The following APCDD1L variants were observed in gnomAD, a reference collection of about 807,000 sequenced individuals.
The protein encoded by APCDD1L is protein APCDD1-like.
A neutral mutation model predicts 24.2 loss-of-function variants in APCDD1L; 21 were observed. The observed-to-expected ratio is 0.87, with a 90% CI of 0.61 to 1.25. The LOEUF is 1.25. APCDD1L is among the 50% of genes most tolerant of loss of function. The pLI, the probability that APCDD1L is intolerant of heterozygous loss-of-function variation, is 0.00. For missense variants in APCDD1L, 704 were observed against 711.7 expected (o/e 0.99, Z 0.12); for synonymous variants, 321 against 323.6 (o/e 0.99, Z 0.09).
At chr20:58,472,319 G>A (rs533076203) in intron 1 of APCDD1L, among the ~76,000 whole-genome samples, 1 of 152,336 alleles carries the variant, frequency 6.6e-6, no homozygotes, top group East Asian at 1.9e-4. Flanking sequence ...TAACCCTGGA[G>A]TCGGTGTTAG....
At chr20:58,491,281 G>T (rs1159685197) in intron 1 of APCDD1L, among the ~76,000 whole-genome samples, 1 of 152,072 alleles carries the variant, frequency 6.6e-6, no homozygotes, top group Non-Finnish European at 1.5e-5. Context: ...ACAAGAAAAA[G>T]AAATAAAAGG....
chr20:58,500,935 C>G (rs1399127956), intron 1 of APCDD1L, among the ~76,000 whole-genome samples: 1 of 152,184 alleles, frequency 6.6e-6, no homozygotes, highest in African/African-American at 2.4e-5. Flanking sequence ...TTGGGTGAAG[C>G]CATCAATCCT....
chr20:58,470,776 C>T (rs1331710179), intron 1 of APCDD1L, 29 bp from the exon 2 acceptor site: 32 of 1,511,144 alleles, frequency 2.1e-5, no homozygotes, highest in Non-Finnish European at 2.7e-5. Context: ...TGGGTAAGAC[C>T]CCAGCATGCC....
intron 1 of APCDD1L, among the ~76,000 whole-genome samples, chr20:58,482,787 C>T (rs981121480): frequency 1.3e-5 from 2 of 152,180 alleles, no homozygotes; most frequent in Admixed American, 6.5e-5. Context: ...CTGACAGTAT[C>T]TTGCTTCTGT....
chr20:58,512,184 G>A (rs965336349), intron 1 of APCDD1L, among the ~76,000 whole-genome samples: 3 of 152,206 alleles, frequency 2.0e-5, no homozygotes, highest in East Asian at 1.9e-4. Flanking sequence ...AAAAATCAAC[G>A]TCCAAATTAG....
Position 58,461,226 on chromosome 20 carries a change from C to G in APCDD1L, c.1070G>C (p.Arg357Pro). The change falls in exon 4 of 4, where the codon CGG (arginine) becomes CCG (proline). Residue 357 changes from arginine (R) to proline (P), a missense_variant. By Grantham distance (103) the Arg-to-Pro change is moderately radical (BLOSUM62 -2). Transcript: ENST00000371149. This position sits in a 1 kb window ranked among gnomAD's most constrained non-coding sequence, Gnocchi z 6.0. ...GGTELVFEVT[R>P]AHVTPMDQVT... ...CTGGTCCATGGGGGTCACATGGGCC[C>G]GTGTGACCTCAAACACCAGCTCGGT... The G allele has an allele frequency of 2.0e-5, 32 of 1,613,504 alleles. No homozygotes were observed. Among genetic ancestry groups the G allele is most frequent in the Non-Finnish European group, 2.7e-5 (32 of 1,179,870 alleles).
chr20:58,493,174 A>C (rs988643040), intron 1 of APCDD1L, among the ~76,000 whole-genome samples: 10 of 152,266 alleles, frequency 6.6e-5, no homozygotes, highest in Non-Finnish European at 1.2e-4. Flanking sequence ...ATATATATGC[A>C]CTCACAGTGC....
intron 1 of APCDD1L, among the ~76,000 whole-genome samples, chr20:58,503,761 A>C (rs1990484973): frequency 1.3e-5 from 2 of 152,226 alleles, no homozygotes. Context: ...CTTTGTAGGC[A>C]TATAGGTTAG....
chr20:58,464,173 G>A (rs1989667489), intron 3 of APCDD1L, among the ~76,000 whole-genome samples: 2 of 152,278 alleles, frequency 1.3e-5, no homozygotes, highest in Admixed American at 6.5e-5. Context: ...ATTCTGAGCT[G>A]TCACACTAAT....
At chr20:58,490,544 C>T (rs1990205753) in intron 1 of APCDD1L, among the ~76,000 whole-genome samples, 1 of 152,238 alleles carries the variant, frequency 6.6e-6, no homozygotes, top group African/African-American at 2.4e-5. Context: ...GAATTCCCAA[C>T]TCAACCTCTC....
chr20:58,465,237 T>A (rs1989684968), intron 3 of APCDD1L, among the ~76,000 whole-genome samples: 1 of 152,164 alleles, frequency 6.6e-6, no homozygotes, highest in African/African-American at 2.4e-5. Context: ...AAGGGAATAA[T>A]TTTGAGGTCA....
intron 1 of APCDD1L, among the ~76,000 whole-genome samples, chr20:58,481,395 G>A (rs563100276): frequency 5.3e-5 from 8 of 152,290 alleles, no homozygotes; most frequent in African/African-American, 1.9e-4. Flanking sequence ...ACCCAGAAAG[G>A]GTGCCTGAGA....
At chr20:58,465,384 G>A (rs967090151) in intron 3 of APCDD1L, among the ~76,000 whole-genome samples, 6 of 152,230 alleles carry the variant, frequency 3.9e-5, no homozygotes, top group African/African-American at 1.4e-4. Flanking sequence ...CTCATCCACA[G>A]TGCTCCCGCA....
chr20:58,465,975 G>A (rs913523595), intron 3 of APCDD1L, among the ~76,000 whole-genome samples: 4 of 151,832 alleles, frequency 2.6e-5, no homozygotes, highest in Admixed American at 2.0e-4. Flanking sequence ...TTTCTGAGGG[G>A]GGTTCCTTAG....
In APCDD1L at chr20:58,461,691, A is replaced by C; in HGVS notation, c.742-137T>G. The C allele has an allele frequency of 1.1e-6, 1 of 889,794 alleles. No individual in the cohort carries two copies. The allele number at this position is 889,794 out of a possible 1,614,324, so 55.1% of individuals were successfully genotyped here. The stretch of plus-strand genomic sequence containing the variant: ...CTGTCCCTCCCTCCTCTCTCTCCTC[A>C]CTCCCTGCCTTCAGTCAGGACGACC... On this transcript the variant is annotated intron_variant, in intron 3 of 3. Transcript: ENST00000371149. The surrounding 1 kb of genome is among the most constrained non-coding windows in gnomAD (Gnocchi z 6.0).
chr20:58,470,020 C>T (rs1284448228), intron 2 of APCDD1L, among the ~76,000 whole-genome samples: 1 of 152,238 alleles, frequency 6.6e-6, no homozygotes, highest in Non-Finnish European at 1.5e-5. Flanking sequence ...TCTGAAATGT[C>T]GAGTGAGCCT....
intron 1 of APCDD1L, among the ~76,000 whole-genome samples, chr20:58,506,060 C>T (rs371362036): frequency 1.5e-4 from 23 of 152,228 alleles, no homozygotes; most frequent in Middle Eastern, 6.8e-3. Flanking sequence ...TTCCAAGCCC[C>T]CCACTTCATA....
intron 1 of APCDD1L, among the ~76,000 whole-genome samples, chr20:58,498,960 T>G (rs1990377419): frequency 6.6e-6 from 1 of 152,240 alleles, no homozygotes; most frequent in Admixed American, 6.5e-5. Context: ...CCCCCTTGGC[T>G]GCAGAACCCT....
rs1990520240 is a variant in APCDD1L, at chr20:58,505,864, A to T, written c.49+8795T>A. The stretch of plus-strand genomic sequence containing the variant: ...AGAAAAGGAGATGAGACACAGTGAT[A>T]GAGACACACAGGGAGAAGAGGTCCA... On this transcript the variant is annotated intron_variant, in intron 1 of 3. Transcript: ENST00000371149. Among the ~76,000 whole-genome samples, 3 of 152,212 alleles carry T rather than the reference A, an allele frequency of 2.0e-5. No homozygotes were observed. The South Asian group carries it at 6.2e-4, about 31-fold the overall frequency.
Sources: gnomAD v4.1 joint callset for allele counts (sites outside exome capture counted in the v4.1 genomes callset) on GRCh38, gnomAD v4.1.1 for gene constraint, Gnocchi (gnomAD v3.1) non-coding constraint, MANE v1.5 for transcripts, NCBI Gene and HGNC (gene_info 2026-07-23, HGNC 2026-07-21) for gene names.